GRIK2: variants seen among roughly 807,000 people sequenced by gnomAD.
The protein encoded by GRIK2 is glutamate ionotropic receptor kainate type subunit 2, also known as glutamate receptor ionotropic, kainate 2.
A neutral mutation model predicts 100.3 loss-of-function variants in GRIK2; 32 were observed. That is an observed-to-expected ratio of 0.32 (90% CI 0.24 to 0.43). The LOEUF (loss-of-function observed/expected upper bound fraction) is 0.43, where lower values mean the gene tolerates loss of function less well. Among genes scored for constraint, GRIK2 ranks in the 20% least tolerant of loss-of-function variants. The pLI, the probability that GRIK2 is intolerant of heterozygous loss-of-function variation, is 1.00. For synonymous variants in GRIK2, 417 were observed against 389.4 expected (o/e 1.07, Z -0.83); for missense variants, 843 against 1,114.9 (o/e 0.76, Z 3.47).
chr6:101,978,254 TTCA>T (rs1401453082), intron 14 of GRIK2, among the ~76,000 whole-genome samples: 3 of 151,968 alleles, frequency 2.0e-5, no homozygotes, highest in Admixed American at 1.3e-4. Context: ...GAGTGGTCTC[TTCA>T]TCAGGGAACT....
chr6:101,607,254 G>T (rs542668), intron 2 of GRIK2, among the ~76,000 whole-genome samples: 1 of 151,870 alleles, frequency 6.6e-6, no homozygotes, highest in African/African-American at 2.4e-5. Context: ...TGTGTGAAGC[G>T]TTATATGGGT....
intron 2 of GRIK2, among the ~76,000 whole-genome samples, chr6:101,580,097 C>T (rs140546930): frequency 3.3e-5 from 5 of 152,238 alleles, no homozygotes; most frequent in Non-Finnish European, 5.9e-5. Context: ...ATCTAATTCT[C>T]GTAACTTTAA....
At chr6:101,498,111 T>C (rs1277640354) in intron 2 of GRIK2, among the ~76,000 whole-genome samples, 1 of 144,436 alleles carries the variant, frequency 6.9e-6, no homozygotes, top group Non-Finnish European at 1.5e-5. Flanking sequence ...AGTGAGAACA[T>C]GTGGTGTTTG....
chr6:101,663,026 A>C (rs1300602026), intron 4 of GRIK2, among the ~76,000 whole-genome samples: 1 of 152,162 alleles, frequency 6.6e-6, no homozygotes, highest in African/African-American at 2.4e-5. Flanking sequence ...GATAAAATAA[A>C]ACCTGAGATT....
chr6:101,929,254 A>G (rs1790108206), intron 14 of GRIK2, among the ~76,000 whole-genome samples: 1 of 151,952 alleles, frequency 6.6e-6, no homozygotes. Flanking sequence ...GCCCTCGTCT[A>G]TTTTTTCTCT....
intron 7 of GRIK2, among the ~76,000 whole-genome samples, chr6:101,704,337 T>C (rs1773107532): frequency 6.6e-6 from 1 of 151,640 alleles, no homozygotes; most frequent in African/African-American, 2.4e-5. Flanking sequence ...AAAATGTGGA[T>C]TGAAGTTCTC....
At chr6:101,875,664 T>C (rs1785776611) in intron 11 of GRIK2, among the ~76,000 whole-genome samples, 1 of 151,902 alleles carries the variant, frequency 6.6e-6, no homozygotes, top group Non-Finnish European at 1.5e-5. Flanking sequence ...TTTTGACTCA[T>C]TGTTTTTTCC....
At chr6:101,824,515 T>C (rs1285723144) in intron 10 of GRIK2, among the ~76,000 whole-genome samples, 1 of 152,228 alleles carries the variant, frequency 6.6e-6, no homozygotes, top group Non-Finnish European at 1.5e-5. Context: ...CCTGTCTGAC[T>C]ATGTTGAGTG....
At chr6:101,494,854 AG>A (rs1431738717) in intron 2 of GRIK2, among the ~76,000 whole-genome samples, 1 of 151,314 alleles carries the variant, frequency 6.6e-6, no homozygotes, top group Non-Finnish European at 1.5e-5. Flanking sequence ...GATCCTCTTG[AG>A]ACTGGGAGGT....
At chr6:101,906,207 A>C (rs548020742) in intron 12 of GRIK2, among the ~76,000 whole-genome samples, 6 of 151,844 alleles carry the variant, frequency 4.0e-5, no homozygotes, top group African/African-American at 1.4e-4. Context: ...TGAGCCTAGA[A>C]TATTGAAAGC....
At position 101,629,032 on chromosome 6, in the gene GRIK2, T is replaced by A. The variant is rs371697700; in HGVS notation, c.541+2395T>A. ...AATAATTTGGTAAAATACAGCCTCA[T>A]GTATTTGTTCTATTCCTGCTTTAAA... is the stretch of plus-strand genomic sequence containing the variant. On this transcript the variant is annotated intron_variant, in intron 4 of 16. Coordinates refer to ENST00000369134, the MANE Select transcript of GRIK2 (RefSeq NM_021956.5). 9.9e-5 allele frequency among the ~76,000 whole-genome samples: 15 copies of A among 152,254 alleles called. No individual in the cohort carries two copies. In the East Asian group the frequency reaches 2.5e-3, roughly 26 times the overall value.
At chr6:101,982,848 A>C (rs1355983874) in intron 14 of GRIK2, among the ~76,000 whole-genome samples, 1 of 151,726 alleles carries the variant, frequency 6.6e-6, no homozygotes, top group Non-Finnish European at 1.5e-5. Context: ...GCATGTAAGA[A>C]CTTAGAGACA....
intron 2 of GRIK2, among the ~76,000 whole-genome samples, chr6:101,461,571 T>C (rs1036350566): frequency 2.0e-5 from 3 of 152,200 alleles, no homozygotes; most frequent in Admixed American, 1.3e-4. Flanking sequence ...TTCATTTGAT[T>C]AGATGGAACT....
intron 11 of GRIK2, among the ~76,000 whole-genome samples, chr6:101,889,109 C>T (rs1257754912): frequency 6.6e-6 from 1 of 152,026 alleles, no homozygotes; most frequent in Non-Finnish European, 1.5e-5. Flanking sequence ...CAGAATCACA[C>T]TGAGAGATGT....
At chr6:101,831,087 A>G (rs1276341517) in intron 10 of GRIK2, among the ~76,000 whole-genome samples, 1 of 152,142 alleles carries the variant, frequency 6.6e-6, no homozygotes, top group Non-Finnish European at 1.5e-5. Flanking sequence ...CATGTAACAA[A>G]CCTGCACATG....
chr6:101,860,476 G>C (rs1222791361), intron 11 of GRIK2, among the ~76,000 whole-genome samples: 4 of 152,166 alleles, frequency 2.6e-5, no homozygotes, highest in Non-Finnish European at 5.9e-5. Flanking sequence ...TGGATTCCAT[G>C]TACAAAAATG....
intron 14 of GRIK2, among the ~76,000 whole-genome samples, chr6:101,956,937 A>C (rs768703491): frequency 6.6e-6 from 1 of 151,274 alleles, no homozygotes; most frequent in Non-Finnish European, 1.5e-5. Flanking sequence ...ACTATGGTGA[A>C]TAGTGCTGTG....
intron 7 of GRIK2, among the ~76,000 whole-genome samples, chr6:101,735,016 G>A (rs1428289876): frequency 6.6e-6 from 1 of 152,122 alleles, no homozygotes; most frequent in East Asian, 1.9e-4. Context: ...GATCAATAAT[G>A]GTGGCCAGTG....
chr6:101,798,241 C>T (rs1460110234), intron 7 of GRIK2, among the ~76,000 whole-genome samples: 2 of 151,952 alleles, frequency 1.3e-5, no homozygotes, highest in African/African-American at 4.8e-5. Context: ...CAAAATGTAT[C>T]TTCCCAATTC....
Sources: allele counts gnomAD v4.1 joint callset (sites outside exome capture counted in the v4.1 genomes callset), GRCh38; gene constraint gnomAD v4.1.1; transcripts MANE v1.5; gene names NCBI Gene and HGNC (gene_info 2026-07-23, HGNC 2026-07-21).